The following GPR39 variants were observed in gnomAD, a reference collection of about 807,000 sequenced individuals.
The protein encoded by GPR39 is zinc sensing receptor.
In GPR39, 23 loss-of-function variants were observed where a neutral mutation model predicts 18.4. That is an observed-to-expected ratio of 1.25 (90% CI 0.90 to 1.77). GPR39 has a LOEUF of 1.77. Ranked by LOEUF, GPR39 falls within the 40% of genes most tolerant of loss-of-function variation. GPR39 has a pLI of 0.00. For missense variants in GPR39, 647 were observed against 602.4 expected, an observed-to-expected ratio of 1.07 and a Z score of -0.78; for synonymous variants, 280 against 257.9, an observed-to-expected ratio of 1.09 and a Z score of -0.82.
intron 1 of GPR39, among the ~76,000 whole-genome samples, chr2:132,507,786 T>C (rs1001540339): frequency 4.6e-5 from 7 of 152,162 alleles, no homozygotes; most frequent in Admixed American, 3.9e-4. Flanking sequence ...AGCACTATAC[T>C]TATTATTACA....
chr2:132,467,969 C>T (rs1680961702), intron 1 of GPR39, among the ~76,000 whole-genome samples: 1 of 152,182 alleles, frequency 6.6e-6, no homozygotes, highest in Non-Finnish European at 1.5e-5. Context: ...TTAAATTCCA[C>T]CCTTTTCTCA....
Position 132,566,773 on chromosome 2 carries a change from G to A in GPR39, c.857-78328G>A, listed in dbSNP as rs540439427. On this transcript the variant is annotated intron_variant, in intron 1 of 1. Transcript: ENST00000329321. ...CTTCACGCACTGTGGTACACATAAC[G>A]TTCCCTGGTCATTTCCCAATACACA... is the stretch of plus-strand genomic sequence containing the variant. Among the ~76,000 whole-genome samples the A allele has an allele frequency of 7.9e-5, 12 of 152,254 alleles. No homozygotes were observed. In the East Asian group the frequency reaches 9.7e-4, roughly 12 times the overall value.
chr2:132,495,026 G>A (rs1316307857), intron 1 of GPR39, among the ~76,000 whole-genome samples: 7 of 152,116 alleles, frequency 4.6e-5, no homozygotes, highest in Non-Finnish European at 8.8e-5. Context: ...CAGCCCTAGC[G>A]GGTTTCTAGG....
At chr2:132,598,510 C>T (rs1048265587) in intron 1 of GPR39, among the ~76,000 whole-genome samples, 1 of 142,976 alleles carries the variant, frequency 7.0e-6, no homozygotes, top group East Asian at 2.2e-4. Flanking sequence ...TAATGCTACT[C>T]AGGGATAAGA....
At chr2:132,434,177 T>C (rs1242638700) in intron 1 of GPR39, among the ~76,000 whole-genome samples, 1 of 152,078 alleles carries the variant, frequency 6.6e-6, no homozygotes, top group Non-Finnish European at 1.5e-5. Context: ...AGGACGTTTA[T>C]TAGTAAGAAA....
chr2:132,440,007 A>T (rs1291574739), intron 1 of GPR39, among the ~76,000 whole-genome samples: 1 of 152,154 alleles, frequency 6.6e-6, no homozygotes, highest in African/African-American at 2.4e-5. Context: ...GTTCCATCGA[A>T]ACATGACACC....
At chr2:132,644,286 TTGAG>T (rs1347725684) in intron 1 of GPR39, among the ~76,000 whole-genome samples, 2 of 152,236 alleles carry the variant, frequency 1.3e-5, no homozygotes, top group Admixed American at 6.5e-5. Context: ...AGAAGGGCCT[TTGAG>T]TGGTCTCTTC....
chr2:132,485,986 A>G (rs1234911142), intron 1 of GPR39, among the ~76,000 whole-genome samples: 1 of 152,222 alleles, frequency 6.6e-6, no homozygotes, highest in African/African-American at 2.4e-5. Context: ...TATTTCTTAA[A>G]TAATTAGACT....
intron 1 of GPR39, among the ~76,000 whole-genome samples, chr2:132,533,383 G>A (rs1468725204): frequency 2.0e-5 from 3 of 148,260 alleles, no homozygotes; most frequent in African/African-American, 7.4e-5. Flanking sequence ...ATGCTCATGG[G>A]TAGGAAGAAT....
chr2:132,484,126 T>C (rs1039966360), intron 1 of GPR39, among the ~76,000 whole-genome samples: 2 of 152,182 alleles, frequency 1.3e-5, no homozygotes, highest in Non-Finnish European at 2.9e-5. Flanking sequence ...TACTTTTTAG[T>C]GTAGTATCAC....
chr2:132,485,205 TAA>T (rs1424311778), intron 1 of GPR39, among the ~76,000 whole-genome samples: 1 of 152,232 alleles, frequency 6.6e-6, no homozygotes, highest in Non-Finnish European at 1.5e-5. Flanking sequence ...GCATTGTGTC[TAA>T]AAACACAATA....
rs5834316 is a variant in GPR39 at position 132,493,505 on chromosome 2, C to CAT, written c.856+75629_856+75630dup. Among the ~76,000 whole-genome samples, 343 of 130,534 alleles carry CAT rather than the reference C, an allele frequency of 2.6e-3. 1 individual carries two copies. Among genetic ancestry groups the CAT allele is most frequent in the African/African-American group, 9.8e-3 (296 of 30,084 alleles). 85.6% of individuals were successfully genotyped at this position (130,534 alleles called of 152,430 possible). ...ATATACACCATATATATATATACAC[C>CAT]ATATATATATATATATATATATACA... On this transcript the variant is annotated intron_variant, in intron 1 of 1. Coordinates refer to ENST00000329321, the MANE Select transcript of GPR39 (RefSeq NM_001508.3).
chr2:132,534,342 G>C (rs1363310461), intron 1 of GPR39, among the ~76,000 whole-genome samples: 1 of 150,630 alleles, frequency 6.6e-6, no homozygotes, highest in Non-Finnish European at 1.5e-5. Flanking sequence ...GGAAACAACA[G>C]GTGCTGGAGA....
intron 1 of GPR39, among the ~76,000 whole-genome samples, chr2:132,421,841 GGT>G (rs1414374320): frequency 4.0e-4 from 50 of 123,984 alleles, no homozygotes; most frequent in African/African-American, 1.5e-3. Context: ...GAGAAGAGAG[GGT>G]AGAGGGTAGA....
chr2:132,443,644 G>A (rs1680478107), intron 1 of GPR39, among the ~76,000 whole-genome samples: 1 of 152,232 alleles, frequency 6.6e-6, no homozygotes, highest in Non-Finnish European at 1.5e-5. Context: ...TTATCGGGAT[G>A]TAGGCCCACA....
At chr2:132,439,386 G>A (rs17395349) in intron 1 of GPR39, among the ~76,000 whole-genome samples, 4,945 of 152,290 alleles carry the variant, frequency 0.032, 118 homozygotes, top group Non-Finnish European at 0.048. Flanking sequence ...GCCAAGAGGC[G>A]CTTGGTAAAT....
chr2:132,556,807 C>T (rs1298371259), intron 1 of GPR39, among the ~76,000 whole-genome samples: 1 of 152,162 alleles, frequency 6.6e-6, no homozygotes, highest in Non-Finnish European at 1.5e-5. Context: ...AGACACTCCT[C>T]CTCAAAGGCC....
intron 1 of GPR39, among the ~76,000 whole-genome samples, chr2:132,537,000 C>T (rs189435256): frequency 3.2e-4 from 49 of 152,158 alleles, no homozygotes; most frequent in African/African-American, 1.1e-3. Flanking sequence ...AGTGCACACC[C>T]GTGGGTCTTG....
intron 1 of GPR39, among the ~76,000 whole-genome samples, chr2:132,508,742 C>T (rs917345978): frequency 7.9e-5 from 12 of 152,182 alleles, no homozygotes; most frequent in African/African-American, 2.9e-4. Context: ...CTGCCATCAG[C>T]CCCAGGGAGC....
Sources: gnomAD v4.1 joint callset for allele counts (sites outside exome capture counted in the v4.1 genomes callset) on GRCh38, gnomAD v4.1.1 for gene constraint, MANE v1.5 for transcripts, NCBI Gene and HGNC (gene_info 2026-07-23, HGNC 2026-07-21) for gene names.